SYT17: variants seen among roughly 807,000 people sequenced by gnomAD.
SYT17 encodes synaptotagmin 17.
SYT17 carries 22 observed loss-of-function variants against 46.7 expected under a neutral mutation model. That is an observed-to-expected ratio of 0.47 (90% confidence interval 0.34 to 0.67). SYT17 has a LOEUF of 0.67. Among genes scored for constraint, SYT17 ranks in the 30% least tolerant of loss-of-function variants. The probability of loss-of-function intolerance (pLI) is 0.01; values close to 1 mark genes in which losing one functional copy is unlikely to be tolerated. For missense variants in SYT17, 519 were observed against 612.8 expected, an observed-to-expected ratio of 0.85 and a Z score of 1.62; for synonymous variants, 251 against 248.4, an observed-to-expected ratio of 1.01 and a Z score of -0.10.
At chr16:19,211,566 T>C (rs111277059) in intron 5 of SYT17, 18 of 670,348 alleles carry the variant, frequency 2.7e-5, no homozygotes, top group African/African-American at 1.4e-4. Context: ...GAGGTGACTG[T>C]TGAGTTGAGA....
At chr16:19,189,044 G>A (rs1964905513) in intron 5 of SYT17, among the ~76,000 whole-genome samples, 1 of 151,962 alleles carries the variant, frequency 6.6e-6, no homozygotes, top group East Asian at 1.9e-4. Context: ...CCACCACCAC[G>A]CCCGGCTAAT....
intron 7 of SYT17, among the ~76,000 whole-genome samples, chr16:19,230,742 G>GTGTA (rs1319226396): frequency 1.3e-5 from 2 of 152,302 alleles, no homozygotes; most frequent in East Asian, 3.9e-4. Context: ...CTTACTTGCT[G>GTGTA]TGTAATCTTG....
At chr16:19,220,608 ACTT>A (rs1210659036) in intron 5 of SYT17, among the ~76,000 whole-genome samples, 1 of 152,082 alleles carries the variant, frequency 6.6e-6, no homozygotes, top group African/African-American at 2.4e-5. Context: ...CCTCAATGAC[ACTT>A]CTTGAAGTAT....
At chr16:19,180,628 C>G in intron 4 of SYT17, 89 bp downstream of exon 4, 1 of 1,523,868 alleles carries the variant, frequency 6.6e-7, no homozygotes, top group South Asian at 1.2e-5. Context: ...AGTGTTATTG[C>G]TGGGGGAGGG....
intron 5 of SYT17, chr16:19,211,441 A>G: frequency 4.3e-6 from 3 of 703,798 alleles, no homozygotes; most frequent in Middle Eastern, 2.3e-4. Flanking sequence ...CTTTGCCTTT[A>G]TGGAGAAAAA....
At chr16:19,177,426 G>T (rs913644335) in intron 3 of SYT17, among the ~76,000 whole-genome samples, 4 of 152,178 alleles carry the variant, frequency 2.6e-5, no homozygotes, top group African/African-American at 9.7e-5. Context: ...AAAACGGTAA[G>T]AGAAATCTGT....
At chr16:19,253,234 A>G (rs1005261120) in intron 7 of SYT17, among the ~76,000 whole-genome samples, 1 of 152,144 alleles carries the variant, frequency 6.6e-6, no homozygotes, top group African/African-American at 2.4e-5. Flanking sequence ...CTCAAAGCCT[A>G]AAATATTTAC....
chr16:19,247,276 T>A (rs532308838), intron 7 of SYT17, among the ~76,000 whole-genome samples: 3 of 152,202 alleles, frequency 2.0e-5, no homozygotes, highest in Non-Finnish European at 4.4e-5. Context: ...TTGAGGTTAA[T>A]CACTTTTTCT....
intron 7 of SYT17, among the ~76,000 whole-genome samples, chr16:19,237,629 C>T (rs566448070): frequency 3.3e-5 from 5 of 152,310 alleles, no homozygotes; most frequent in Admixed American, 6.5e-5. Context: ...CAAAACTGCC[C>T]TGAGCTGCTA....
rs954054358 is a variant in SYT17, at chr16:19,168,796, G to A, written c.15+135G>A. Reference sequence around the variant, plus strand: ...GCTTCGAGAAAAAGGGTGCCCGTGCGCGGGCAACCTGTGCAGCAACAGGGG... The same window carrying A: ...GCTTCGAGAAAAAGGGTGCCCGTGCACGGGCAACCTGTGCAGCAACAGGGG... On this transcript the variant is annotated intron_variant, in intron 1 of 7. Coordinates refer to ENST00000355377, the MANE Select transcript of SYT17 (RefSeq NM_016524.4). This position sits in a 1 kb window ranked among gnomAD's most constrained non-coding sequence, Gnocchi z 6.9. 2.6e-6 allele frequency: 3 copies of A among 1,173,552 alleles called. No individual in the cohort carries two copies. The highest frequency in any genetic ancestry group is 3.5e-6 in the Non-Finnish European group (3 of 866,924). The allele number at this position is 1,173,552 out of a possible 1,614,324, so 72.7% of individuals were successfully genotyped here. A position where few individuals can be genotyped will look rare whatever the true frequency, so the allele number is the denominator to read the frequency against.
chr16:19,237,993 T>C lies in SYT17; in HGVS notation c.1228+13155T>C, dbSNP rs573264520. On this transcript the variant is annotated intron_variant, in intron 7 of 7. Coordinates refer to ENST00000355377, the MANE Select transcript of SYT17 (RefSeq NM_016524.4). ...AGTACATTGAGACGTCTTTGGAGGA[T>C]GTTGACCAGAGAAGTGATGTGGCTT... Among the ~76,000 whole-genome samples, 8 of 152,336 alleles carry C rather than the reference T, an allele frequency of 5.3e-5. No individual in the cohort carries two copies. In the South Asian group the frequency reaches 1.7e-3, roughly 32 times the overall value.
chr16:19,223,263 A>G, intron 6 of SYT17, 98 bp downstream of exon 6: 4 of 1,443,098 alleles, frequency 2.8e-6, no homozygotes, highest in South Asian at 1.3e-5. Context: ...GATGAGCATT[A>G]CTCATCTCAG....
At chr16:19,216,610 C>T (rs1966105764) in intron 5 of SYT17, among the ~76,000 whole-genome samples, 1 of 152,112 alleles carries the variant, frequency 6.6e-6, no homozygotes, top group African/African-American at 2.4e-5. Flanking sequence ...TCAGCTCTCA[C>T]TTATGAGTGA....
At chr16:19,237,369 G>T (rs1341989073) in intron 7 of SYT17, among the ~76,000 whole-genome samples, 1 of 152,178 alleles carries the variant, frequency 6.6e-6, no homozygotes, top group African/African-American at 2.4e-5. Flanking sequence ...TTTGAGGCAG[G>T]AGGTGGGACT....
intron 7 of SYT17, among the ~76,000 whole-genome samples, chr16:19,226,396 A>T (rs538491605): frequency 6.6e-6 from 1 of 152,318 alleles, no homozygotes; most frequent in African/African-American, 2.4e-5. Flanking sequence ...AAATCAATCC[A>T]TGGCTGAAAA....
intron 7 of SYT17, among the ~76,000 whole-genome samples, chr16:19,234,664 A>T (rs1330947971): frequency 1.3e-5 from 2 of 152,178 alleles, no homozygotes; most frequent in Non-Finnish European, 2.9e-5. Flanking sequence ...CAGCTGTGTG[A>T]CCTCAAGCAA....
chr16:19,180,129 C>T, intron 3 of SYT17: 1 of 421,872 alleles, frequency 2.4e-6, no homozygotes, highest in East Asian at 4.4e-5. Context: ...AGCTCTCCAC[C>T]CAACCCCAGC....
At chr16:19,192,794 T>C (rs2142675762) in intron 5 of SYT17, among the ~76,000 whole-genome samples, 1 of 152,018 alleles carries the variant, frequency 6.6e-6, no homozygotes, top group East Asian at 1.9e-4. Context: ...GCGGGGTCGG[T>C]TGGGGGTGGT....
At position 19,241,941 on chromosome 16, in the gene SYT17, G is replaced by A. The variant is rs535570392; in HGVS notation, c.1228+17103G>A. Among the ~76,000 whole-genome samples, 320 of 152,288 alleles carry A rather than the reference G, an allele frequency of 2.1e-3. 1 individual carries two copies. Among genetic ancestry groups the A allele is most frequent in the African/African-American group, 7.3e-3 (302 of 41,554 alleles). On this transcript the variant is annotated intron_variant, in intron 7 of 7. Coordinates refer to ENST00000355377, the MANE Select transcript of SYT17 (RefSeq NM_016524.4). ...CCAGAGCAATGGCAGTGGCTGCTCC[G>A]GATGGCCCTTCACTATCATCAATAG... is the stretch of plus-strand genomic sequence containing the variant.
Sources: gnomAD v4.1 joint callset for allele counts (sites outside exome capture counted in the v4.1 genomes callset) on GRCh38, gnomAD v4.1.1 for gene constraint, Gnocchi (gnomAD v3.1) non-coding constraint, MANE v1.5 for transcripts, NCBI Gene and HGNC (gene_info 2026-07-23, HGNC 2026-07-21) for gene names.